NADK: variants seen among roughly 807,000 people sequenced by gnomAD.
NADK encodes poly(P)/ATP NAD kinase.
A neutral mutation model predicts 49.8 loss-of-function variants in NADK; 22 were observed. The ratio of observed to expected loss-of-function variants is 0.44; its 90% confidence interval spans 0.32 to 0.63. The LOEUF (loss-of-function observed/expected upper bound fraction) is 0.63. NADK is among the 30% of genes least tolerant of loss of function. The pLI, the probability that NADK is intolerant of heterozygous loss-of-function variation, is 0.06. For synonymous variants in NADK, 268 were observed against 253.7 expected, an observed-to-expected ratio of 1.06 and a Z score of -0.54; for missense variants, 438 against 609.4, an observed-to-expected ratio of 0.72 and a Z score of 2.96.
intron 1 of NADK, among the ~76,000 whole-genome samples, chr1:1,766,480 C>G (rs1645891922): frequency 9.4e-6 from 1 of 106,340 alleles, no homozygotes; most frequent in South Asian, 3.4e-4. Flanking sequence ...AACAATACAA[C>G]ACATTAATGA....
intron 1 of NADK, among the ~76,000 whole-genome samples, chr1:1,773,153 T>C (rs922873851): frequency 3.3e-5 from 5 of 151,646 alleles, no homozygotes; most frequent in Non-Finnish European, 7.4e-5. Flanking sequence ...ATTTTTTTTT[T>C]CCCCAGACGA....
intron 3 of NADK, chr1:1,758,321 C>A: frequency 1.3e-6 from 2 of 1,578,380 alleles, no homozygotes; most frequent in South Asian, 2.3e-5. Context: ...GGCCACAGAC[C>A]TTAGCCCATC....
chr1:1,772,313 C>T (rs1397820867), intron 1 of NADK, among the ~76,000 whole-genome samples: 1 of 152,054 alleles, frequency 6.6e-6, no homozygotes, highest in Non-Finnish European at 1.5e-5. Flanking sequence ...CAAGCATGCA[C>T]CACCATGCCT....
At chr1:1,761,788 A>G in intron 3 of NADK, 164 bp downstream of exon 3, 1 of 632,226 alleles carries the variant, frequency 1.6e-6, no homozygotes, top group South Asian at 1.9e-5. Flanking sequence ...TGACCTAAAC[A>G]TGTACTTCTC....
At chr1:1,758,951 G>A (rs1333854137) in intron 3 of NADK, 11 of 1,105,434 alleles carry the variant, frequency 1.0e-5, no homozygotes, top group African/African-American at 8.0e-5. Context: ...GTGGAAGGGC[G>A]TTCCCTGCCT....
At chr1:1,767,969 T>C (rs1472627373) in intron 1 of NADK, among the ~76,000 whole-genome samples, 1 of 151,918 alleles carries the variant, frequency 6.6e-6, no homozygotes, top group Non-Finnish European at 1.5e-5. Context: ...GGTCAGGAGC[T>C]CAAGACCAGC....
In NADK at chr1:1,754,341, G is replaced by C. The variant is rs750077864; in HGVS notation, c.886C>G (p.Leu296Val). 1 of 1,613,948 alleles carries C rather than the reference G, an allele frequency of 6.2e-7. No individual in the cohort carries two copies. The highest frequency in any genetic ancestry group is 1.1e-5 in the South Asian group (1 of 91,088). ...TCCAGGTAGACATCCACATTGGACA[G>C]GTAGGAGGAGGGGCCTCTGTCAATC... The part of the protein sequence containing the change: ...VVIDRGPSSY[L>V]SNVDVYLDGH... Residue 296 changes from leucine (L) to valine (V), a missense_variant, in exon 9 of 12, where the codon CTG (leucine) becomes GTG (valine). Physicochemically the swap from Leu to Val is conservative, Grantham distance 32. Transcript: ENST00000341426. The surrounding 1 kb of genome is among the most constrained non-coding windows in gnomAD (Gnocchi z 4.3).
rs550997385 is a variant in NADK at position 1,752,834 on chromosome 1, G to A, written c.*70C>T. 6 of 1,525,622 alleles carry A rather than the reference G, an allele frequency of 3.9e-6. No homozygotes were observed. The highest frequency in any genetic ancestry group is 1.7e-4 in the Middle Eastern group (1 of 5,728). 94.5% of individuals were successfully genotyped at this position (1,525,622 alleles called of 1,614,324 possible). ...CTGAGACAGGCGGTCACAGACACAC[G>A]CAGATTGGTCTGTCCCCAGAGGGCG... On this transcript the variant is annotated 3_prime_UTR_variant, in exon 12 of 12. Coordinates refer to ENST00000341426, the MANE Select transcript of NADK (RefSeq NM_023018.5).
chr1:1,755,614 G>A, intron 6 of NADK, 138 bp from the exon 7 acceptor site: 1 of 694,336 alleles, frequency 1.4e-6, no homozygotes, highest in South Asian at 1.7e-5. Context: ...TGGCCATGTG[G>A]ACAAGCGGAG....
chr1:1,762,135 A>G, intron 2 of NADK, 100 bp from the exon 3 acceptor site: 1 of 975,902 alleles, frequency 1.0e-6, no homozygotes, highest in African/African-American at 1.6e-5. Context: ...GCATACATGC[A>G]ATTTGAAAGA....
At chr1:1,779,833 TTC>T (rs772616653), upstream of NADK, 5 of 152,382 alleles carry the variant, frequency 3.3e-5, no homozygotes, top group African/African-American at 4.8e-5. Flanking sequence ...TGTCTATACT[TTC>T]TGTGTGATCA....
rs1462753781 is a variant in NADK, at chr1:1,754,214, A to G, written c.944-6T>C. 7 of 1,612,816 alleles carry G rather than the reference A, an allele frequency of 4.3e-6. No homozygotes were observed. The highest frequency in any genetic ancestry group is 2.2e-5 in the South Asian group (2 of 91,064). On this transcript the variant is annotated splice_polypyrimidine_tract_variant and splice_region_variant and intron_variant, in intron 9 of 11. Transcript: ENST00000341426. This position sits in a 1 kb window ranked among gnomAD's most constrained non-coding sequence, Gnocchi z 4.3. ...CGGGGTGGACACGATCACTCCTGACAGGGACAGGCGCAGGCGTCACTCCCG... is the reference window on the plus strand; with the variant it reads ...CGGGGTGGACACGATCACTCCTGACGGGGACAGGCGCAGGCGTCACTCCCG...
intron 3 of NADK, chr1:1,759,941 C>T (rs1022526011): frequency 2.2e-4 from 339 of 1,546,624 alleles, no homozygotes; most frequent in Non-Finnish European, 2.7e-4. Flanking sequence ...CACCAGGCAG[C>T]GGGGGAGAGG....
At chr1:1,757,800 C>A (rs992054033) in intron 3 of NADK, among the ~76,000 whole-genome samples, 6 of 152,124 alleles carry the variant, frequency 3.9e-5, no homozygotes, top group Admixed American at 6.5e-5. Context: ...AGCCCAGGAC[C>A]CCTCAAGGAC....
At chr1:1,753,765 C>T (rs565144108) in intron 10 of NADK, 116 bp from the exon 11 acceptor site, 15 of 976,842 alleles carry the variant, frequency 1.5e-5, no homozygotes, top group South Asian at 7.7e-5. Context: ...CCCTGCCTTG[C>T]GGACGGTGCA....
chr1:1,767,609 C>G (rs965163781), intron 1 of NADK, among the ~76,000 whole-genome samples: 1 of 152,228 alleles, frequency 6.6e-6, no homozygotes, highest in African/African-American at 2.4e-5. Flanking sequence ...TTAATGAGGA[C>G]AAGGTAGATT....
At chr1:1,764,746 C>T (rs1645832188) in intron 2 of NADK, among the ~76,000 whole-genome samples, 1 of 152,178 alleles carries the variant, frequency 6.6e-6, no homozygotes, top group Admixed American at 6.5e-5. Context: ...TACAAAAATA[C>T]AAAAATTAGC....
At position 1,757,284 on chromosome 1, in the gene NADK, C is replaced by T. The variant is rs752911055; in HGVS notation, c.290G>A (p.Arg97Gln). The change falls in exon 4 of 12, where the codon CGG becomes CAG. Residue 97 changes from arginine (R) to glutamine (Q), a missense_variant. By Grantham distance (43) the Arg-to-Gln change is conservative (BLOSUM62 1). Coordinates refer to ENST00000341426, the MANE Select transcript of NADK (RefSeq NM_023018.5). ...CTTTGGGGACTTGTTCCACGTCAGC[C>T]GCTGGCTCGCGGGGTCCTGAATGTG... is the stretch of plus-strand genomic sequence containing the variant. ...IMHIQDPASQ[R>Q]LTWNKSPKSV... is the part of the protein sequence containing the mutation. The T allele has an allele frequency of 9.3e-6, 15 of 1,613,678 alleles. No homozygotes were observed. The highest frequency in any genetic ancestry group is 2.2e-5 in the South Asian group (2 of 91,090).
In NADK at chr1:1,756,759, G is replaced by A. The variant is rs1010950205; in HGVS notation, c.394-151C>T. On this transcript the variant is annotated intron_variant, in intron 4 of 11. Transcript: ENST00000341426. ...CTCACGCTGAAACTTCATCACCAAC[G>A]CGCCAGGAGGAAGCAGGACCTTTAA... The A allele has an allele frequency of 7.6e-6, 10 of 1,322,314 alleles. No homozygotes were observed. In the African/African-American group the frequency reaches 8.6e-5, roughly 11 times the overall value. The allele number at this position is 1,322,314 out of a possible 1,614,324, so 81.9% of individuals were successfully genotyped here.
Sources: allele counts gnomAD v4.1 joint callset (sites outside exome capture counted in the v4.1 genomes callset), GRCh38; gene constraint gnomAD v4.1.1; non-coding constraint Gnocchi (gnomAD v3.1); transcripts MANE v1.5; gene names NCBI Gene and HGNC (gene_info 2026-07-23, HGNC 2026-07-21).